RORA: variants seen among roughly 807,000 people sequenced by gnomAD.
RORA encodes nuclear receptor ROR-alpha.
Under a neutral mutation model 69.5 loss-of-function variants are expected in RORA, and 7 were observed. The ratio of observed to expected loss-of-function variants is 0.10; its 90% CI spans 0.06 to 0.19. The LOEUF is 0.19. RORA is among the 10% of genes least tolerant of loss of function. The pLI is 1.00. For missense variants in RORA, 457 were observed against 663.0 expected (o/e 0.69, Z 3.41); for synonymous variants, 261 against 240.8 (o/e 1.08, Z -0.78).
chr15:60,905,407 ATT>A lies in RORA; in HGVS notation c.167-226723_167-226722del, dbSNP rs961347128. Reference sequence around the variant, plus strand: ...ATTAGATCAACTTTTTTTTCTGTGTATTTTTTTTTCTTTTTAAACAGGGACCA... The same window carrying A: ...ATTAGATCAACTTTTTTTTCTGTGTATTTTTTTCTTTTTAAACAGGGACCA... On this transcript the variant is annotated intron_variant, in intron 1 of 10. Transcript: ENST00000335670. The surrounding 1 kb of genome is among the most constrained non-coding windows in gnomAD (Gnocchi z 4.8). Among the ~76,000 whole-genome samples the A allele has an allele frequency of 1.3e-5, 2 of 151,240 alleles. No individual in the cohort carries two copies. The highest frequency in any genetic ancestry group is 4.9e-5 in the African/African-American group (2 of 41,082).
chr15:61,194,537 T>A (rs1256849597), intron 1 of RORA, among the ~76,000 whole-genome samples: 2 of 57,766 alleles, frequency 3.5e-5, no homozygotes, highest in Non-Finnish European at 5.5e-5. Context: ...CACTCCAGCC[T>A]AGGAGGAAAA....
intron 1 of RORA, among the ~76,000 whole-genome samples, chr15:61,113,154 G>C (rs2079022303): frequency 6.6e-6 from 1 of 152,236 alleles, no homozygotes. Context: ...GTAAGATTTT[G>C]TGCCTCTGGC....
At chr15:61,041,668 C>T (rs1896779722) in intron 1 of RORA, among the ~76,000 whole-genome samples, 1 of 152,200 alleles carries the variant, frequency 6.6e-6, no homozygotes, top group Non-Finnish European at 1.5e-5. Context: ...AAGGGATCTT[C>T]CTGCCTCACA....
At chr15:60,833,677 C>G (rs1181467850) in intron 1 of RORA, among the ~76,000 whole-genome samples, 2 of 152,192 alleles carry the variant, frequency 1.3e-5, no homozygotes, top group East Asian at 1.9e-4. Context: ...TGGAATCTGG[C>G]AACACCTCTA....
chr15:60,643,616 G>A (rs2069984052), intron 2 of RORA, among the ~76,000 whole-genome samples: 2 of 152,260 alleles, frequency 1.3e-5, no homozygotes, highest in Admixed American at 1.3e-4. Flanking sequence ...TTCCAGCAGG[G>A]GTGGCTTATA....
Position 61,020,572 on chromosome 15 carries a change from T to C in RORA, c.166+208481A>G, listed in dbSNP as rs562718165. Among the ~76,000 whole-genome samples, 4 of 152,326 alleles carry C rather than the reference T, an allele frequency of 2.6e-5. No homozygotes were observed. The East Asian group carries it at 5.8e-4, about 22-fold the overall frequency. ...GTTACAACAACCAAGGCTTCCCTTC[T>C]CCAATCCAGATGCTTCCAAAACCTT... On this transcript the variant is annotated intron_variant, in intron 1 of 10. Coordinates refer to ENST00000335670, the MANE Select transcript of RORA (RefSeq NM_134261.3).
rs576671082 is a variant in RORA at position 60,547,473 on chromosome 15, C to T, written c.197-15622G>A. 2.2e-3 allele frequency among the ~76,000 whole-genome samples: 329 copies of T among 151,916 alleles called. 3 individuals are homozygous for T. Among genetic ancestry groups the T allele is most frequent in the Non-Finnish European group, 2.8e-3 (190 of 67,938 alleles). On this transcript the variant is annotated intron_variant, in intron 2 of 10. Coordinates refer to ENST00000335670, the MANE Select transcript of RORA (RefSeq NM_134261.3). ...TCCCGAGTAGCTGGGATTACAGGCG[C>T]CCACCACCACGTCTGGGTAATTTTT...
At chr15:61,086,136 T>A (rs2078621468) in intron 1 of RORA, among the ~76,000 whole-genome samples, 1 of 152,254 alleles carries the variant, frequency 6.6e-6, no homozygotes, top group Non-Finnish European at 1.5e-5. Context: ...CCCCGCTCTA[T>A]AATCCTTTTC....
intron 1 of RORA, among the ~76,000 whole-genome samples, chr15:60,835,237 G>A (rs1446744944): frequency 6.6e-6 from 1 of 152,164 alleles, no homozygotes; most frequent in African/African-American, 2.4e-5. Flanking sequence ...AAATCAAGGG[G>A]CCCTAAAGGA....
chr15:60,867,550 T>G (rs11634195), intron 1 of RORA, among the ~76,000 whole-genome samples: 140,887 of 152,250 alleles, frequency 0.93, 65,697 homozygotes, highest in East Asian at 1. Context: ...CAGATGGGAG[T>G]TCATAGGCTA....
At chr15:60,616,119 C>G (rs1459198629) in intron 2 of RORA, among the ~76,000 whole-genome samples, 1 of 152,178 alleles carries the variant, frequency 6.6e-6, no homozygotes, top group Non-Finnish European at 1.5e-5. Flanking sequence ...GCATAAAACA[C>G]TTTATGTCCT....
chr15:60,926,356 C>T (rs544908150), intron 1 of RORA, among the ~76,000 whole-genome samples: 1 of 152,284 alleles, frequency 6.6e-6, no homozygotes, highest in East Asian at 1.9e-4. Context: ...TTCCATAAGC[C>T]CTTGCCAAAG....
chr15:60,743,016 A>ATTTTTTTTTT (rs33922947), intron 1 of RORA, among the ~76,000 whole-genome samples: 11 of 105,154 alleles, frequency 1.0e-4, no homozygotes, highest in East Asian at 2.6e-4. Flanking sequence ...CATTCATTCT[A>ATTTTTTTTTT]TTTTTTTTTT....
At chr15:60,527,410 T>G (rs547016197) in intron 3 of RORA, among the ~76,000 whole-genome samples, 7 of 152,270 alleles carry the variant, frequency 4.6e-5, no homozygotes, top group Non-Finnish European at 1.0e-4. Context: ...TTTTATTCAC[T>G]TTGAAGATTG....
rs114808809 is a variant in RORA at position 60,727,153 on chromosome 15, T to C, written c.167-48467A>G. ...GCCCTCAGCTAAGTCCACTGCTTCA[T>C]TGAACTCACCCATTGCTTTCATTTT... On this transcript the variant is annotated intron_variant, in intron 1 of 10. Coordinates refer to ENST00000335670, the MANE Select transcript of RORA (RefSeq NM_134261.3). Among the ~76,000 whole-genome samples the C allele has an allele frequency of 2.0e-3, 310 of 152,330 alleles. 1 individual carries two copies. The highest frequency in any genetic ancestry group is 7.1e-3 in the African/African-American group (295 of 41,578).
intron 1 of RORA, among the ~76,000 whole-genome samples, chr15:60,821,444 C>T (rs577502886): frequency 6.6e-6 from 1 of 152,174 alleles, no homozygotes; most frequent in African/African-American, 2.4e-5. Flanking sequence ...AGAGCCTGCT[C>T]CTTCTTCCTT....
chr15:60,570,892 A>T (rs570485121), intron 2 of RORA, among the ~76,000 whole-genome samples: 5 of 152,286 alleles, frequency 3.3e-5, no homozygotes, highest in African/African-American at 9.6e-5. Flanking sequence ...GGGTAACAGG[A>T]GTGGCTTGGA....
chr15:60,863,889 C>A (rs112678092), intron 1 of RORA, among the ~76,000 whole-genome samples: 1 of 152,082 alleles, frequency 6.6e-6, no homozygotes, highest in Non-Finnish European at 1.5e-5. Context: ...TCACTGCAAC[C>A]TCCGCCTCCC....
intron 2 of RORA, chr15:60,545,117 G>T (rs1321791898): frequency 6.6e-6 from 1 of 152,086 alleles, no homozygotes; most frequent in East Asian, 1.9e-4. Flanking sequence ...ATTCAAAGAG[G>T]CCTGAAGCAG....
Sources: gnomAD v4.1 joint callset for allele counts (sites outside exome capture counted in the v4.1 genomes callset) on GRCh38, gnomAD v4.1.1 for gene constraint, Gnocchi (gnomAD v3.1) non-coding constraint, MANE v1.5 for transcripts, NCBI Gene and HGNC (gene_info 2026-07-23, HGNC 2026-07-21) for gene names.